TMEM132D: variants seen among roughly 807,000 people sequenced by gnomAD.
TMEM132D encodes transmembrane protein 132D.
Under a neutral mutation model 62.3 loss-of-function variants are expected in TMEM132D, and 21 were observed. The ratio of observed to expected loss-of-function variants is 0.34; its 90% CI spans 0.24 to 0.49. TMEM132D has a LOEUF of 0.49. TMEM132D is among the 20% of genes least tolerant of loss of function. The pLI, the probability that TMEM132D is intolerant of heterozygous loss-of-function variation, is 0.99. For missense variants in TMEM132D, 1,346 were observed against 1,402.8 expected (o/e 0.96, Z 0.65); for synonymous variants, 621 against 575.6 (o/e 1.08, Z -1.13).
chr12:129,656,800 G>C (rs911509223), intron 2 of TMEM132D, among the ~76,000 whole-genome samples: 1 of 152,058 alleles, frequency 6.6e-6, no homozygotes, highest in African/African-American at 2.4e-5. Context: ...ATAAGAGATA[G>C]GCACTATTAT....
In TMEM132D at chr12:129,867,272, AG is replaced by A. The variant is rs201520693; in HGVS notation, c.79+35988del. On this transcript the variant is annotated intron_variant, in intron 1 of 8. Coordinates refer to ENST00000422113, the MANE Select transcript of TMEM132D (RefSeq NM_133448.3). This position sits in a 1 kb window ranked among gnomAD's most constrained non-coding sequence, Gnocchi z 4.5. ...CAGACTCTGTCTCAAAAAAAGAAAAAGAAAGAAAGAAATCCTGCCATTTGCA... is the reference window on the plus strand; with the variant it reads ...CAGACTCTGTCTCAAAAAAAGAAAAAAAAGAAAGAAATCCTGCCATTTGCA... 0.12 allele frequency among the ~76,000 whole-genome samples: 18,354 copies of A among 152,088 alleles called. 1,719 individuals carry two copies. The highest frequency in any genetic ancestry group is 0.52 in the East Asian group (2,689 of 5,128).
intron 2 of TMEM132D, among the ~76,000 whole-genome samples, chr12:129,624,948 A>G (rs1375078926): frequency 6.6e-6 from 1 of 152,240 alleles, no homozygotes; most frequent in Non-Finnish European, 1.5e-5. Context: ...GGGAAGCTGC[A>G]GTGATTCCCT....
At chr12:129,604,275 G>A (rs943251754) in intron 2 of TMEM132D, among the ~76,000 whole-genome samples, 3 of 152,046 alleles carry the variant, frequency 2.0e-5, no homozygotes, top group African/African-American at 7.2e-5. Context: ...CATGGCAGAC[G>A]TATACCTGTG....
At chr12:129,670,515 G>A (rs996254994) in intron 2 of TMEM132D, among the ~76,000 whole-genome samples, 1 of 152,046 alleles carries the variant, frequency 6.6e-6, no homozygotes, top group Non-Finnish European at 1.5e-5. Flanking sequence ...CTCAGTGCAA[G>A]AAGACAGCCT....
At chr12:129,373,960 GTCAAT>G (rs1049231691) in intron 3 of TMEM132D, among the ~76,000 whole-genome samples, 37 of 152,176 alleles carry the variant, frequency 2.4e-4, no homozygotes, top group African/African-American at 8.7e-4. Flanking sequence ...GAAAAAATGA[GTCAAT>G]TCCTGGCTTC....
At chr12:129,344,377 G>T (rs568771084) in intron 3 of TMEM132D, among the ~76,000 whole-genome samples, 2 of 152,128 alleles carry the variant, frequency 1.3e-5, no homozygotes, top group Non-Finnish European at 2.9e-5. Context: ...AGAGGCCCCC[G>T]CCCCAAAGGA....
intron 1 of TMEM132D, among the ~76,000 whole-genome samples, chr12:129,798,961 G>A (rs1466820785): frequency 6.6e-6 from 1 of 152,216 alleles, no homozygotes; most frequent in Non-Finnish European, 1.5e-5. Context: ...GACTGGAAGA[G>A]TTCACATAAA....
chr12:129,313,160 C>CATTTT (rs141746214), intron 4 of TMEM132D, among the ~76,000 whole-genome samples: 33,938 of 151,750 alleles, frequency 0.22, 4,881 homozygotes, highest in East Asian at 0.4. Flanking sequence ...AAGAGACATA[C>CATTTT]ATTTTATTTT....
chr12:129,716,008 A>C (rs1277782144), intron 1 of TMEM132D, among the ~76,000 whole-genome samples: 1 of 152,206 alleles, frequency 6.6e-6, no homozygotes, highest in East Asian at 1.9e-4. Flanking sequence ...CGATCAACCT[A>C]AACAAAAGTC....
chr12:129,664,375 C>A (rs999829306), intron 2 of TMEM132D, among the ~76,000 whole-genome samples: 2 of 151,304 alleles, frequency 1.3e-5, no homozygotes, highest in African/African-American at 2.4e-5. Flanking sequence ...GAAATTTAAA[C>A]CCTTTTGAAA....
intron 3 of TMEM132D, among the ~76,000 whole-genome samples, chr12:129,437,795 T>C (rs375700257): frequency 1.3e-5 from 2 of 151,836 alleles, no homozygotes; most frequent in Admixed American, 1.3e-4. Context: ...AACGTGCAGG[T>C]TTGTTACATA....
At chr12:129,133,286 T>A (rs1035950078) in intron 5 of TMEM132D, among the ~76,000 whole-genome samples, 3 of 152,262 alleles carry the variant, frequency 2.0e-5, no homozygotes, top group African/African-American at 7.2e-5. Flanking sequence ...GACTTGTTCA[T>A]GTTGCATAAC....
At chr12:129,512,894 A>AG (rs1417131029) in intron 3 of TMEM132D, among the ~76,000 whole-genome samples, 6 of 152,184 alleles carry the variant, frequency 3.9e-5, no homozygotes, top group African/African-American at 1.4e-4. Context: ...TTCTGCTAGG[A>AG]GTTCATTAGA....
chr12:129,769,177 G>C (rs566462003), intron 1 of TMEM132D, among the ~76,000 whole-genome samples: 2 of 152,154 alleles, frequency 1.3e-5, no homozygotes, highest in African/African-American at 4.8e-5. Context: ...CCTAGGTCCC[G>C]GTATTAGTCT....
chr12:129,818,512 C>T (rs561075318), intron 1 of TMEM132D, among the ~76,000 whole-genome samples: 4 of 135,100 alleles, frequency 3.0e-5, no homozygotes, highest in Non-Finnish European at 4.7e-5. Context: ...TGTGTATGTG[C>T]GCATCTGTGT....
At chr12:129,083,513 C>T (rs1367791282) in intron 6 of TMEM132D, among the ~76,000 whole-genome samples, 1 of 152,190 alleles carries the variant, frequency 6.6e-6, no homozygotes, top group African/African-American at 2.4e-5. Flanking sequence ...ACCAGAAACC[C>T]CAGAGACTGA....
chr12:129,140,449 G>A (rs1876706316), intron 5 of TMEM132D, among the ~76,000 whole-genome samples: 1 of 152,092 alleles, frequency 6.6e-6, no homozygotes, highest in Admixed American at 6.5e-5. Context: ...CTACTCGTTT[G>A]CTGTCATGGT....
At chr12:129,638,376 C>T (rs913253654) in intron 2 of TMEM132D, among the ~76,000 whole-genome samples, 4 of 151,898 alleles carry the variant, frequency 2.6e-5, no homozygotes, top group Non-Finnish European at 4.4e-5. Flanking sequence ...GTTCAGCTCA[C>T]TTACCTCGAT....
chr12:129,111,666 C>T (rs11060141), intron 5 of TMEM132D: 25,916 of 152,106 alleles, frequency 0.17, 4,117 homozygotes, highest in African/African-American at 0.42. Context: ...TTTCATCTCC[C>T]AAGGTGGGTG....
Sources: allele counts gnomAD v4.1 joint callset (sites outside exome capture counted in the v4.1 genomes callset), GRCh38; gene constraint gnomAD v4.1.1; non-coding constraint Gnocchi (gnomAD v3.1); transcripts MANE v1.5; gene names NCBI Gene and HGNC (gene_info 2026-07-23, HGNC 2026-07-21).